Variants in MYOM2 observed in about 807,000 individuals in gnomAD.
MYOM2 encodes myomesin 2, also known as myomesin-2.
A neutral mutation model predicts 187.6 loss-of-function variants in MYOM2; 254 were observed. That is an observed-to-expected ratio of 1.35 (90% CI 1.22 to 1.50). The LOEUF (loss-of-function observed/expected upper bound fraction) is 1.50, where lower values mean the gene tolerates loss of function less well. Ranked by LOEUF, MYOM2 falls within the 40% of genes most tolerant of loss-of-function variation. MYOM2 has a pLI of 0.00. For synonymous variants in MYOM2, 981 were observed against 753.8 expected (o/e 1.30, Z -4.94); for missense variants, 2,796 against 1,924.0 (o/e 1.45, Z -8.48).
intron 32 of MYOM2, among the ~76,000 whole-genome samples, chr8:2,130,155 T>C (rs1289467550): frequency 8.3e-6 from 1 of 120,500 alleles, no homozygotes; most frequent in Non-Finnish European, 1.6e-5. Flanking sequence ...ACCGCGCCTT[T>C]AGTGAACACC....
intron 32 of MYOM2, among the ~76,000 whole-genome samples, chr8:2,139,947 C>A (rs993697264): frequency 1.3e-5 from 2 of 152,032 alleles, no homozygotes; most frequent in Non-Finnish European, 2.9e-5. Context: ...GCATTTTAAC[C>A]ACCTTTAAGG....
At chr8:2,106,054 A>G (rs1345540242) in intron 21 of MYOM2, among the ~76,000 whole-genome samples, 188 bp from the exon 22 acceptor site, 5 of 152,158 alleles carry the variant, frequency 3.3e-5, no homozygotes, top group Admixed American at 2.6e-4. Context: ...CTCAGTCACT[A>G]TCATGAGGAC....
rs1375563458 is a variant in MYOM2, at chr8:2,086,306, C to T, written c.1644+916C>T. ...CCACTGTCGTGATCTCCGCGTGGCC[C>T]CCCACAGTCGTGATCTCTGCGTGGC... On this transcript the variant is annotated intron_variant, in intron 14 of 36. Coordinates refer to ENST00000262113, the MANE Select transcript of MYOM2 (RefSeq NM_003970.4). Among the ~76,000 whole-genome samples the T allele has an allele frequency of 4.7e-4, 54 of 114,278 alleles. 5 individuals are homozygous for T. Among genetic ancestry groups the T allele is most frequent in the Middle Eastern group, 9.5e-3 (2 of 210 alleles). 75.0% of individuals were successfully genotyped at this position (114,278 alleles called of 152,430 possible). A position where few individuals can be genotyped will look rare whatever the true frequency, so the allele number is the denominator to read the frequency against.
chr8:2,085,367 C>G lies in MYOM2; in HGVS notation c.1621C>G (p.Pro541Ala). The change falls in exon 14 of 37, where the codon CCG becomes GCG. Residue 541 changes from proline to alanine, a missense_variant. Transcript: ENST00000262113. ...GCCACCCACTCCCCGTGGCAAGGAC[C>G]CGCTCATGTACTTCATTGAGAAGGT... is the stretch of plus-strand genomic sequence containing the variant. ...WEPPTPRGKD[P>A]LMYFIEKSVV... 2 of 1,613,198 alleles carry G rather than the reference C, an allele frequency of 1.2e-6. No individual in the cohort carries two copies. Among genetic ancestry groups the G allele is most frequent in the Non-Finnish European group, 1.7e-6 (2 of 1,179,770 alleles).
At chr8:2,127,100 G>A (rs945809918) in intron 31 of MYOM2, among the ~76,000 whole-genome samples, 1 of 151,876 alleles carries the variant, frequency 6.6e-6, no homozygotes, top group African/African-American at 2.4e-5. Context: ...GGTGGTGTTG[G>A]TCTCATGAGT....
chr8:2,129,401 C>T (rs574901523), intron 32 of MYOM2, among the ~76,000 whole-genome samples, 169 bp downstream of exon 32: 184 of 152,194 alleles, frequency 1.2e-3, no homozygotes, highest in South Asian at 9.8e-3. Flanking sequence ...GGGGCCCTCA[C>T]GGCAGTGGGG....
intron 27 of MYOM2, among the ~76,000 whole-genome samples, chr8:2,117,315 G>C (rs538096218): frequency 1.2e-4 from 19 of 152,248 alleles, no homozygotes; most frequent in East Asian, 9.6e-4. Flanking sequence ...AATGGCAAAA[G>C]GGTATTAGTG....
In MYOM2 at chr8:2,059,191, C is replaced by T. The variant is rs748417169; in HGVS notation, c.599C>T (p.Pro200Leu). Reference protein sequence around the residue: ...DGSLICQAAEPGKYRIESNYG... With the variant: ...DGSLICQAAELGKYRIESNYG... Reference sequence around the variant, plus strand: ...AGTCTGATTTGCCAGGCGGCTGAACCGGGAAAGTACAGGATTGAGAGCAAC... The same window carrying T: ...AGTCTGATTTGCCAGGCGGCTGAACTGGGAAAGTACAGGATTGAGAGCAAC... The change falls in exon 6 of 37, where the codon CCG (proline) becomes CTG (leucine). Residue 200 changes from proline (P) to leucine (L), a missense_variant. Transcript: ENST00000262113. 3.0e-5 allele frequency: 49 copies of T among 1,614,054 alleles called. No individual in the cohort carries two copies. The highest frequency in any genetic ancestry group is 3.6e-5 in the Non-Finnish European group (42 of 1,180,034).
At position 2,072,462 on chromosome 8, in the gene MYOM2, C is replaced by T. The variant is rs34842328; in HGVS notation, c.911C>T (p.Thr304Met). 18,377 of 1,614,026 alleles carry T rather than the reference C, an allele frequency of 0.011. 143 individuals are homozygous for T. The highest frequency in any genetic ancestry group is 0.014 in the Non-Finnish European group (16,106 of 1,180,038). The change falls in exon 9 of 37, where the codon ACG becomes ATG. Residue 304 changes from threonine to methionine, a missense_variant. Physicochemically the swap from Thr to Met is moderately conservative, Grantham distance 81 (BLOSUM62 -1). Transcript: ENST00000262113. ...ACTCTCAAGTGCACCATGCTGGTGACGCCGGACCTGAAGCGGGTGCAGCCG... is the reference window on the plus strand; with the variant it reads ...ACTCTCAAGTGCACCATGCTGGTGATGCCGGACCTGAAGCGGGTGCAGCCG... The part of the protein sequence containing the change: ...TVTLKCTMLV[T>M]PDLKRVQPRA...
chr8:2,104,081 C>T (rs781336994), intron 21 of MYOM2, among the ~76,000 whole-genome samples: 13 of 152,158 alleles, frequency 8.5e-5, no homozygotes, highest in Admixed American at 1.3e-4. Context: ...TTCTTCGAAT[C>T]GTCAAGCCAC....
chr8:2,107,988 T>C (rs1341988089), intron 23 of MYOM2, among the ~76,000 whole-genome samples: 4 of 152,264 alleles, frequency 2.6e-5, no homozygotes, highest in Admixed American at 1.3e-4. Flanking sequence ...ATTCCATGTA[T>C]GGAAATTCCT....
intron 1 of MYOM2, among the ~76,000 whole-genome samples, chr8:2,045,520 C>T (rs2129325087): frequency 6.6e-6 from 1 of 152,310 alleles, no homozygotes; most frequent in South Asian, 2.1e-4. Context: ...ATGAGATTCT[C>T]AGAAACGAAA....
At chr8:2,098,728 G>C in intron 18 of MYOM2, 129 bp from the exon 19 acceptor site, 5 of 1,047,244 alleles carry the variant, frequency 4.8e-6, no homozygotes, top group Non-Finnish European at 6.7e-6. Flanking sequence ...GAAATATTTG[G>C]TCCAATTTCC....
chr8:2,058,732 C>G (rs1420188030), intron 5 of MYOM2, among the ~76,000 whole-genome samples: 1 of 152,026 alleles, frequency 6.6e-6, no homozygotes, highest in African/African-American at 2.4e-5. Context: ...TGGATGTGGT[C>G]CTGCCTCCTG....
At chr8:2,106,458 G>C in intron 22 of MYOM2, 33 bp from the exon 23 acceptor site, 1 of 1,610,238 alleles carries the variant, frequency 6.2e-7, no homozygotes, top group Non-Finnish European at 8.5e-7. Flanking sequence ...AAACAGAAAT[G>C]ATCGACATTC....
intron 32 of MYOM2, among the ~76,000 whole-genome samples, chr8:2,131,895 G>T (rs530752012): frequency 6.6e-6 from 1 of 151,894 alleles, no homozygotes; most frequent in African/African-American, 2.4e-5. Context: ...CACCCACCTG[G>T]GCCTCCCAAA....
At chr8:2,143,754 C>T (rs114149239) in intron 36 of MYOM2, among the ~76,000 whole-genome samples, 48 of 152,324 alleles carry the variant, frequency 3.2e-4, no homozygotes, top group African/African-American at 9.6e-4. Context: ...TGTTTCTATG[C>T]CCCTGTGGCC....
chr8:2,140,059 C>T (rs1319693604), intron 32 of MYOM2, among the ~76,000 whole-genome samples: 1 of 152,072 alleles, frequency 6.6e-6, no homozygotes, highest in Non-Finnish European at 1.5e-5. Context: ...CCCATTAAAC[C>T]CTCAGTCCCC....
intron 6 of MYOM2, among the ~76,000 whole-genome samples, chr8:2,062,604 A>C (rs1305135757): frequency 2.0e-5 from 3 of 152,174 alleles, no homozygotes; most frequent in African/African-American, 2.4e-5. Context: ...GCCCTCTCCA[A>C]GTTTTTCAGA....
Sources: gnomAD v4.1 joint callset for allele counts (sites outside exome capture counted in the v4.1 genomes callset) on GRCh38, gnomAD v4.1.1 for gene constraint, MANE v1.5 for transcripts, NCBI Gene and HGNC (gene_info 2026-07-23, HGNC 2026-07-21) for gene names.